CDYL: variants seen among roughly 807,000 people sequenced by gnomAD.
The protein encoded by CDYL is chromodomain Y like.
A neutral mutation model predicts 47.3 loss-of-function variants in CDYL; 8 were observed. That is an observed-to-expected ratio of 0.17 (90% confidence interval 0.10 to 0.31). The LOEUF (loss-of-function observed/expected upper bound fraction) is 0.31. CDYL is among the 10% of genes least tolerant of loss of function. The pLI is 1.00. For missense variants in CDYL, 471 were observed against 701.4 expected, an observed-to-expected ratio of 0.67 and a Z score of 3.71; for synonymous variants, 266 against 265.0, an observed-to-expected ratio of 1.00 and a Z score of -0.04.
chr6:4,881,730 A>G (rs1349104746), intron 1 of CDYL, among the ~76,000 whole-genome samples: 3 of 152,234 alleles, frequency 2.0e-5, no homozygotes, highest in Admixed American at 1.3e-4. Context: ...ATGAGTATTT[A>G]TATTTATTCA....
At chr6:4,835,777 C>T (rs1760281977) in intron 1 of CDYL, among the ~76,000 whole-genome samples, 2 of 152,196 alleles carry the variant, frequency 1.3e-5, no homozygotes, top group Non-Finnish European at 2.9e-5. Flanking sequence ...CAAGCCTGGG[C>T]ACTGGCCGGC....
At chr6:4,837,094 A>G (rs753303670) in intron 1 of CDYL, among the ~76,000 whole-genome samples, 6 of 152,230 alleles carry the variant, frequency 3.9e-5, no homozygotes, top group Non-Finnish European at 8.8e-5. Flanking sequence ...ATGAGGATCC[A>G]GATAAGATAG....
intron 1 of CDYL, among the ~76,000 whole-genome samples, chr6:4,855,451 G>A (rs1330942990): frequency 6.6e-6 from 1 of 152,108 alleles, no homozygotes; most frequent in African/African-American, 2.4e-5. Context: ...CCACCACCCA[G>A]CTAATTTTTA....
chr6:4,816,572 C>T (rs1460787258), intron 1 of CDYL, among the ~76,000 whole-genome samples: 1 of 149,742 alleles, frequency 6.7e-6, no homozygotes, highest in East Asian at 2.0e-4. Context: ...AGTCTTGGCT[C>T]ACTGCAACCT....
intron 1 of CDYL, among the ~76,000 whole-genome samples, chr6:4,831,633 G>C (rs1760147238): frequency 6.6e-6 from 1 of 152,164 alleles, no homozygotes; most frequent in East Asian, 1.9e-4. Context: ...TTGGTAGCTT[G>C]ATGGGGATGG....
chr6:4,867,911 A>G (rs1561678394), intron 1 of CDYL, among the ~76,000 whole-genome samples: 1 of 151,434 alleles, frequency 6.6e-6, no homozygotes, highest in East Asian at 1.9e-4. Flanking sequence ...TATTCAGAGT[A>G]TATCGTGTTT....
At chr6:4,723,401 G>A (rs548015582) in intron 2 of CDYL, among the ~76,000 whole-genome samples, 2 of 152,166 alleles carry the variant, frequency 1.3e-5, no homozygotes, top group East Asian at 3.9e-4. Flanking sequence ...CCAGGCAGGA[G>A]ACGGACAGTA....
At chr6:4,758,336 T>A (rs1758107184) in intron 3 of CDYL, among the ~76,000 whole-genome samples, 3 of 110,260 alleles carry the variant, frequency 2.7e-5, no homozygotes, top group South Asian at 7.2e-4. Context: ...AAGACTCATG[T>A]CTTGAAAATA....
rs12175587 is a variant in CDYL, at chr6:4,895,086, T to C, written c.691+2707T>C. Among the ~76,000 whole-genome samples, 134 of 125,838 alleles carry C rather than the reference T, an allele frequency of 1.1e-3. 2 individuals carry two copies. The East Asian group carries it at 0.017, about 16-fold the overall frequency. The allele number at this position is 125,838 out of a possible 152,430, so 82.6% of individuals were successfully genotyped here. A position where few individuals can be genotyped will look rare whatever the true frequency, so the allele number is the denominator to read the frequency against. ...GGGTATATATGTATCTATATGCACATATATGTACATGTGTGTATATGTATC... is the reference window on the plus strand; with the variant it reads ...GGGTATATATGTATCTATATGCACACATATGTACATGTGTGTATATGTATC... On this transcript the variant is annotated intron_variant, in intron 2 of 6. Coordinates refer to ENST00000397588, the MANE Select transcript of CDYL (RefSeq NM_004824.4).
In CDYL at chr6:4,907,850, C is replaced by G. The variant is rs148683355; in HGVS notation, c.691+15471C>G. On this transcript the variant is annotated intron_variant, in intron 2 of 6. Coordinates refer to ENST00000397588, the MANE Select transcript of CDYL (RefSeq NM_004824.4). Reference sequence around the variant, plus strand: ...GATTTTGAGTAGCTTTTGCCCTCCTCTAGAACATGGTGTGTTCAGTTAGAT... The same window carrying G: ...GATTTTGAGTAGCTTTTGCCCTCCTGTAGAACATGGTGTGTTCAGTTAGAT... Among the ~76,000 whole-genome samples the G allele has an allele frequency of 5.3e-5, 8 of 152,308 alleles. No individual in the cohort carries two copies. The East Asian group carries it at 1.5e-3, about 29-fold the overall frequency.
At chr6:4,756,625 C>T (rs1758080176) in intron 3 of CDYL, among the ~76,000 whole-genome samples, 1 of 138,438 alleles carries the variant, frequency 7.2e-6, no homozygotes, top group Non-Finnish European at 1.5e-5. Context: ...TATCTTGCCT[C>T]CTTGGTCAGA....
rs1215126743 is a variant in CDYL at position 4,953,938 on chromosome 6, A to G, written c.1517A>G (p.Lys506Arg). 1.2e-6 allele frequency: 2 copies of G among 1,614,062 alleles called. No individual in the cohort carries two copies. The change falls in exon 7 of 7, where the codon AAG becomes AGG. Residue 506 changes from lysine to arginine, a missense_variant. Physicochemically the swap from Lys to Arg is conservative, Grantham distance 26 (BLOSUM62 2). This residue lies in a region of CDYL where 57 missense variants were observed against 74.3 expected (regional missense o/e 0.77). Coordinates refer to ENST00000397588, the MANE Select transcript of CDYL (RefSeq NM_004824.4). ...AAAGCCCTCGTGCGCTGCAACATGA[A>G]GATGGAGCTGGAGCAGGCCAACGAG... is the stretch of plus-strand genomic sequence containing the variant. ...ESKALVRCNM[K>R]MELEQANERE...
At chr6:4,887,222 G>T (rs1761922228) in intron 1 of CDYL, among the ~76,000 whole-genome samples, 1 of 152,096 alleles carries the variant, frequency 6.6e-6, no homozygotes, top group Non-Finnish European at 1.5e-5. Flanking sequence ...TAGCATGCCA[G>T]TTTCTACAAA....
At chr6:4,820,301 C>T (rs1759798308) in intron 1 of CDYL, among the ~76,000 whole-genome samples, 1 of 152,152 alleles carries the variant, frequency 6.6e-6, no homozygotes, top group Non-Finnish European at 1.5e-5. Flanking sequence ...TGAAAAATAC[C>T]TGATTTACTC....
intron 2 of CDYL, chr6:4,718,460 T>C (rs1757310992): frequency 6.6e-6 from 1 of 152,120 alleles, no homozygotes; most frequent in Non-Finnish European, 1.5e-5. Flanking sequence ...GTATTATAAG[T>C]AGACACAGGG....
intron 1 of CDYL, among the ~76,000 whole-genome samples, chr6:4,860,347 C>G (rs553505059): frequency 1.7e-4 from 26 of 151,918 alleles, no homozygotes; most frequent in East Asian, 1.5e-3. Flanking sequence ...CTCACTCCCC[C>G]CTTCTTTCCC....
At chr6:4,900,779 G>GTGTGTATATATGTATGTGTA in intron 2 of CDYL, among the ~76,000 whole-genome samples, 5 of 51,704 alleles carry the variant, frequency 9.7e-5, no homozygotes, top group Non-Finnish European at 2.1e-4. Context: ...GTATACGTGT[G>GTGTGTATATATGTATGTGTA]TATATATATA....
intron 3 of CDYL, among the ~76,000 whole-genome samples, chr6:4,770,957 G>A (rs1758328965): frequency 6.6e-6 from 1 of 152,110 alleles, no homozygotes; most frequent in Middle Eastern, 3.2e-3. Context: ...TAATATATGT[G>A]CGTGCATATA....
chr6:4,829,459 C>G (rs1167746311), intron 1 of CDYL, among the ~76,000 whole-genome samples: 1 of 152,154 alleles, frequency 6.6e-6, no homozygotes, highest in Non-Finnish European at 1.5e-5. Flanking sequence ...CTCTGTGACT[C>G]CAGGTTTGCA....
Sources: allele counts gnomAD v4.1 joint callset (sites outside exome capture counted in the v4.1 genomes callset), GRCh38; gene constraint gnomAD v4.1.1; regional missense constraint gnomAD v4.1.1; transcripts MANE v1.5; gene names NCBI Gene and HGNC (gene_info 2026-07-23, HGNC 2026-07-21).